The following MEIS2 variants were observed in gnomAD, a reference collection of about 807,000 sequenced individuals.
The protein encoded by MEIS2 is homeobox protein Meis2.
In MEIS2, 9 loss-of-function variants were observed where a neutral mutation model predicts 58.6. The ratio of observed to expected loss-of-function variants is 0.15; its 90% CI spans 0.09 to 0.27. The LOEUF is 0.27. MEIS2 is among the 10% of genes least tolerant of loss of function. The pLI is 1.00. For synonymous variants in MEIS2, 221 were observed against 228.4 expected, an observed-to-expected ratio of 0.97 and a Z score of 0.29; for missense variants, 427 against 635.0, an observed-to-expected ratio of 0.67 and a Z score of 3.52.
chr15:37,020,991 G>C (rs1205723513), intron 8 of MEIS2, among the ~76,000 whole-genome samples: 1 of 152,000 alleles, frequency 6.6e-6, no homozygotes, highest in African/African-American at 2.4e-5. Context: ...TGTTATGCAG[G>C]GACAGGGAGA....
intron 7 of MEIS2, among the ~76,000 whole-genome samples, chr15:37,065,596 A>C (rs1186695890): frequency 1.3e-5 from 2 of 152,226 alleles, no homozygotes; most frequent in Non-Finnish European, 1.5e-5. Context: ...ACAAGATGCT[A>C]AGCCAATTTA....
rs550681590 is a variant in MEIS2, at chr15:37,079,253, GA to G, written c.754+4517del. On this transcript the variant is annotated intron_variant, in intron 7 of 11. Coordinates refer to ENST00000561208, the MANE Select transcript of MEIS2 (RefSeq NM_170675.5). Reference sequence around the variant, plus strand: ...TTGACACAATTAGGAGGACAGGAAGGAAAAAAAATGTCATTGTATTTATCAT... The same window carrying G: ...TTGACACAATTAGGAGGACAGGAAGGAAAAAAATGTCATTGTATTTATCAT... Among the ~76,000 whole-genome samples, 1,132 of 151,834 alleles carry G rather than the reference GA, an allele frequency of 7.5e-3. 8 individuals are homozygous for G. Among genetic ancestry groups the G allele is most frequent in the Middle Eastern group, 0.024 (7 of 294 alleles).
chr15:36,970,363 C>T (rs7170863), intron 8 of MEIS2, among the ~76,000 whole-genome samples: 1,597 of 150,248 alleles, frequency 0.011, 28 homozygotes, highest in African/African-American at 0.037. Context: ...GAGATCGCGC[C>T]ACTGCACTCC....
At chr15:36,934,303 T>A (rs1285282693) in intron 9 of MEIS2, among the ~76,000 whole-genome samples, 1 of 151,502 alleles carries the variant, frequency 6.6e-6, no homozygotes, top group Non-Finnish European at 1.5e-5. Context: ...CAAAGATGAG[T>A]AATTTCTTTT....
At chr15:37,001,175 A>C (rs747261356) in intron 8 of MEIS2, among the ~76,000 whole-genome samples, 13 of 152,196 alleles carry the variant, frequency 8.5e-5, no homozygotes, top group Non-Finnish European at 1.8e-4. Context: ...GACTAAGAGA[A>C]GAAGTATTTT....
chr15:36,956,547 T>C (rs943486404), intron 8 of MEIS2, among the ~76,000 whole-genome samples: 1 of 152,160 alleles, frequency 6.6e-6, no homozygotes, highest in East Asian at 1.9e-4. Context: ...GTTAGGTTAA[T>C]GGGAGTCAGT....
chr15:36,957,017 AG>A (rs1321092403), intron 8 of MEIS2, among the ~76,000 whole-genome samples: 1 of 152,168 alleles, frequency 6.6e-6, no homozygotes, highest in East Asian at 1.9e-4. Flanking sequence ...CTGGTCAAAT[AG>A]CAAAAACTTT....
Position 36,987,623 on chromosome 15 carries a change from C to G in MEIS2, c.901-37223G>C, listed in dbSNP as rs571293318. Among the ~76,000 whole-genome samples the G allele has an allele frequency of 3.3e-5, 5 of 152,156 alleles. No individual in the cohort carries two copies. The East Asian group carries it at 9.7e-4, about 29-fold the overall frequency. On this transcript the variant is annotated intron_variant, in intron 8 of 11. Transcript: ENST00000561208. ...AATGAACTGGCTAAATAAATGGTCA[C>G]TGAAAATGAGACCAACTCTATCATA...
intron 8 of MEIS2, among the ~76,000 whole-genome samples, chr15:37,010,901 G>A (rs2061127482): frequency 6.6e-6 from 1 of 152,216 alleles, no homozygotes; most frequent in Non-Finnish European, 1.5e-5. Context: ...GATTTAGGGA[G>A]CATAAGACAA....
intron 9 of MEIS2, among the ~76,000 whole-genome samples, chr15:36,899,621 T>G (rs1179266920): frequency 6.6e-6 from 1 of 152,192 alleles, no homozygotes; most frequent in African/African-American, 2.4e-5. Flanking sequence ...ATATCAAGCT[T>G]TGATTTTACG....
Position 37,099,612 on chromosome 15 carries a change from G to T in MEIS2, c.-146C>A. 8.3e-7 allele frequency: 1 copy of T among 1,205,384 alleles called. No individual in the cohort carries two copies. 74.7% of individuals were successfully genotyped at this position (1,205,384 alleles called of 1,614,324 possible). ...ATTCTCCAATATGCTATTTTTTAGG[G>T]GGGAAAAAAAGCCCAGTCTAGACAA... On this transcript the variant is annotated 5_prime_UTR_variant, in exon 1 of 12. Transcript: ENST00000561208.
chr15:37,045,933 C>T (rs1222241778), intron 7 of MEIS2, among the ~76,000 whole-genome samples: 2 of 152,200 alleles, frequency 1.3e-5, no homozygotes, highest in Non-Finnish European at 2.9e-5. Flanking sequence ...TCTTCATCGG[C>T]TTACCTCAGG....
At chr15:37,049,495 G>GT (rs869131713) in intron 7 of MEIS2, among the ~76,000 whole-genome samples, 6 of 136,750 alleles carry the variant, frequency 4.4e-5, no homozygotes, top group Non-Finnish European at 1.0e-4. Context: ...TTTTGTTTTT[G>GT]TTTTTTTTGG....
chr15:36,951,778 A>G (rs1200506283), intron 8 of MEIS2, among the ~76,000 whole-genome samples: 3 of 152,184 alleles, frequency 2.0e-5, no homozygotes, highest in Non-Finnish European at 4.4e-5. Flanking sequence ...AGGTGTTGAC[A>G]CTTTTTTGGC....
intron 4 of MEIS2, among the ~76,000 whole-genome samples, 168 bp downstream of exon 4, chr15:37,095,396 C>T (rs1894103288): frequency 6.6e-6 from 1 of 152,224 alleles, no homozygotes; most frequent in Non-Finnish European, 1.5e-5. Context: ...CTGCTCCTCG[C>T]TCGCCAGCTC....
intron 7 of MEIS2, among the ~76,000 whole-genome samples, chr15:37,045,970 C>G (rs946182686): frequency 2.0e-5 from 3 of 152,158 alleles, no homozygotes; most frequent in African/African-American, 7.2e-5. Context: ...CACCCTCCCC[C>G]CGGGGTATGA....
chr15:36,995,974 T>C (rs1328950095), intron 8 of MEIS2, among the ~76,000 whole-genome samples: 2 of 10,352 alleles, frequency 1.9e-4, no homozygotes, highest in Admixed American at 8.0e-4. Context: ...TATATATATA[T>C]ATATATATAT....
At chr15:37,049,707 C>G (rs975343509) in intron 7 of MEIS2, among the ~76,000 whole-genome samples, 1 of 151,532 alleles carries the variant, frequency 6.6e-6, no homozygotes, top group Non-Finnish European at 1.5e-5. Context: ...ATGCTGGTCT[C>G]GAACTCCTGA....
chr15:37,019,310 C>T (rs113165358), intron 8 of MEIS2, among the ~76,000 whole-genome samples: 38 of 152,228 alleles, frequency 2.5e-4, no homozygotes, highest in African/African-American at 9.2e-4. Flanking sequence ...CTGTTTCACC[C>T]CTTGTGTAGA....
Sources: allele counts gnomAD v4.1 joint callset (sites outside exome capture counted in the v4.1 genomes callset), GRCh38; gene constraint gnomAD v4.1.1; transcripts MANE v1.5; gene names NCBI Gene and HGNC (gene_info 2026-07-23, HGNC 2026-07-21).